Variants in CCAR2 observed in about 807,000 individuals in gnomAD.
CCAR2 encodes the protein cell cycle and apoptosis regulator 2, also known as cell cycle and apoptosis regulator protein 2.
In CCAR2, 21 loss-of-function variants were observed where a neutral mutation model predicts 108.1. The ratio of observed to expected loss-of-function variants is 0.19; its 90% CI spans 0.14 to 0.28. The LOEUF (loss-of-function observed/expected upper bound fraction) is 0.28. Ranked by LOEUF, CCAR2 falls within the 10% of genes least tolerant of loss-of-function variation. The pLI is 1.00. For missense variants in CCAR2, 1,126 were observed against 1,177.0 expected, an observed-to-expected ratio of 0.96 and a Z score of 0.63; for synonymous variants, 577 against 472.8, an observed-to-expected ratio of 1.22 and a Z score of -2.86.
intron 8 of CCAR2, chr8:22,613,853 G>A (rs1276180656): frequency 3.9e-6 from 2 of 518,504 alleles, no homozygotes; most frequent in Non-Finnish European, 6.8e-6. Context: ...TTAAGGCAAT[G>A]ACCCATTTCT....
intron 2 of CCAR2, 50 bp downstream of exon 2, chr8:22,605,881 G>C: frequency 6.3e-7 from 1 of 1,579,204 alleles, no homozygotes; most frequent in Non-Finnish European, 8.7e-7. Flanking sequence ...TATGTGCTCT[G>C]GAGTTAGTTT....
At chr8:22,616,308 C>G in intron 14 of CCAR2, 60 bp downstream of exon 14, 3 of 1,520,936 alleles carry the variant, frequency 2.0e-6, no homozygotes, top group Non-Finnish European at 1.8e-6. Flanking sequence ...ACCTTTACCC[C>G]GGGCTCTGTT....
At position 22,617,353 on chromosome 8, in the gene CCAR2, C is replaced by A. The variant is rs141867351; in HGVS notation, c.1846-67C>A. On this transcript the variant is annotated intron_variant, in intron 14 of 20. Transcript: ENST00000308511. The stretch of plus-strand genomic sequence containing the variant: ...GCATAGTTGATACTCAGGTGTCAGC[C>A]ATGCTTACTATTGGTAATTATGGTA... The A allele has an allele frequency of 9.1e-5, 136 of 1,502,202 alleles. No individual in the cohort carries two copies. The East Asian group carries it at 2.6e-3, about 28-fold the overall frequency. The allele number at this position is 1,502,202 out of a possible 1,614,324, so 93.1% of individuals were successfully genotyped here.
chr8:22,614,566 G>T, intron 10 of CCAR2, 63 bp downstream of exon 10: 1 of 1,447,814 alleles, frequency 6.9e-7, no homozygotes, highest in South Asian at 1.1e-5. Context: ...GTCATGTTTT[G>T]AGTGTTCGGC....
chr8:22,615,195 T>A (rs7842039), intron 11 of CCAR2, 194 bp downstream of exon 11: 49,858 of 879,312 alleles, frequency 0.057, 4,242 homozygotes, highest in African/African-American at 0.34. Context: ...CACTTGAGAC[T>A]CCCTGGAGTT....
chr8:22,609,913 C>G (rs560437643), intron 7 of CCAR2, among the ~76,000 whole-genome samples: 1 of 152,186 alleles, frequency 6.6e-6, no homozygotes, highest in Non-Finnish European at 1.5e-5. Flanking sequence ...CATCCTAAAT[C>G]CTTAAACCCA....
rs1183690937 is a variant in CCAR2, at chr8:22,619,019, AGGGCCTG to A, written c.2521+9_2521+15del. 6.2e-7 allele frequency: 1 copy of A among 1,612,464 alleles called. No homozygotes were observed. Among genetic ancestry groups the A allele is most frequent in the Non-Finnish European group, 8.5e-7 (1 of 1,179,532 alleles). Reference sequence around the variant, plus strand: ...CACACACTGGAGCTGAAGCTGGGTGAGGGCCTGGGGCTGCAGCCACCATGGGGTCACA... The same window carrying A: ...CACACACTGGAGCTGAAGCTGGGTGAGGGCTGCAGCCACCATGGGGTCACA... On this transcript the variant is annotated splice_donor_5th_base_variant and intron_variant, in intron 19 of 20. Transcript: ENST00000308511.
In CCAR2 at chr8:22,614,311, G is replaced by A. The variant is rs3736147; in HGVS notation, c.924G>A (p.Ser308=). The change falls in exon 9 of 21, where the codon TCG becomes TCA. Residue 308 remains serine, a synonymous_variant. Coordinates refer to ENST00000308511, the MANE Select transcript of CCAR2 (RefSeq NM_001393997.1). ...CAGACAGTGACCCCGCTTATAGTTCGAAGGTAAGCTGACAGGCGTCTCTCA... is the reference window on the plus strand; with the variant it reads ...CAGACAGTGACCCCGCTTATAGTTCAAAGGTAAGCTGACAGGCGTCTCTCA... ...ITADSDPAYS[S]KVLLLSSPGL... is the part of the protein sequence containing the mutation. The A allele has an allele frequency of 0.31, 502,186 of 1,613,598 alleles. 80,052 individuals are homozygous for A. Among genetic ancestry groups the A allele is most frequent in the South Asian group, 0.36 (32,766 of 91,072 alleles).
At chr8:22,616,942 C>G (rs184061163) in intron 14 of CCAR2, among the ~76,000 whole-genome samples, 1 of 80,422 alleles carries the variant, frequency 1.2e-5, no homozygotes, top group East Asian at 3.7e-4. Flanking sequence ...AGTGCAGTGG[C>G]GCAACCTCGG....
rs1289126944 is a variant in CCAR2 at position 22,618,967 on chromosome 8, G to A, written c.2473G>A (p.Gly825Ser). ...GCAGCGCGCGGAGCAGCAGGACAGCGGCCGGCTCTACCTAGAGAACAAGAT... is the reference window on the plus strand; with the variant it reads ...GCAGCGCGCGGAGCAGCAGGACAGCAGCCGGCTCTACCTAGAGAACAAGAT... The part of the protein sequence containing the change: ...LLQRAEQQDS[G>S]RLYLENKIHT... The change falls in exon 19 of 21, where the codon GGC (glycine) becomes AGC (serine). Residue 825 changes from glycine to serine, a missense_variant. Physicochemically the swap from Gly to Ser is moderately conservative, Grantham distance 56. Coordinates refer to ENST00000308511, the MANE Select transcript of CCAR2 (RefSeq NM_001393997.1). The A allele has an allele frequency of 9.9e-6, 16 of 1,613,222 alleles. No individual in the cohort carries two copies. The highest frequency in any genetic ancestry group is 2.7e-5 in the African/African-American group (2 of 74,840).
rs201862431 is a variant in CCAR2 at position 22,619,719 on chromosome 8, G to A, written c.*37G>A. 1.0e-3 allele frequency: 1,572 copies of A among 1,550,650 alleles called. 1 individual carries two copies. The highest frequency in any genetic ancestry group is 1.3e-3 in the Non-Finnish European group (1,454 of 1,147,088). On this transcript the variant is annotated 3_prime_UTR_variant, in exon 21 of 21. Coordinates refer to ENST00000308511, the MANE Select transcript of CCAR2 (RefSeq NM_001393997.1). The stretch of plus-strand genomic sequence containing the variant: ...GGAACTGCCATCCTGTGAGGGCAGC[G>A]GTGGCGCCCGGCAAAGTTGGAGCCC...
chr8:22,614,464 G>A lies in CCAR2; in HGVS notation c.1002G>A (p.Glu334=), dbSNP rs200615782. 48 of 1,614,074 alleles carry A rather than the reference G, an allele frequency of 3.0e-5. No homozygotes were observed. The highest frequency in any genetic ancestry group is 4.1e-5 in the Non-Finnish European group (48 of 1,180,052). The part of the protein sequence containing the change: ...CCMLFVDDMA[E]PRETPEHPLK... ...TGCTCTTTGTGGATGACATGGCTGAGCCAAGGGAGACGCCAGAGCATCCTC... is the reference window on the plus strand; with the variant it reads ...TGCTCTTTGTGGATGACATGGCTGAACCAAGGGAGACGCCAGAGCATCCTC... Residue 334 remains glutamate, a synonymous_variant, in exon 10 of 21, where the codon GAG becomes GAA. Coordinates refer to ENST00000308511, the MANE Select transcript of CCAR2 (RefSeq NM_001393997.1).
chr8:22,605,857 CT>C, intron 2 of CCAR2, 26 bp downstream of exon 2: 3 of 1,608,838 alleles, frequency 1.9e-6, no homozygotes, highest in Non-Finnish European at 2.5e-6. Context: ...CCTACCTGGC[CT>C]CATCCTGGGA....
In CCAR2 at chr8:22,619,311, C is replaced by T. The variant is rs556131395; in HGVS notation, c.2683C>T (p.Arg895Cys). The T allele has an allele frequency of 7.0e-6, 11 of 1,564,214 alleles. No individual in the cohort carries two copies. Among genetic ancestry groups the T allele is most frequent in the African/African-American group, 1.4e-5 (1 of 73,898 alleles). Residue 895 changes from arginine (R) to cysteine (C), a missense_variant, in exon 20 of 21, where the codon CGT becomes TGT. Arg to Cys is a radical substitution (Grantham distance 180). This residue lies in a region of CCAR2 where 1,013 missense variants were observed against 993.9 expected (regional missense o/e 1.02). Coordinates refer to ENST00000308511, the MANE Select transcript of CCAR2 (RefSeq NM_001393997.1). ...GCGGCTGCTGCAGGAGCTCCGCAGG[C>T]GTCTGACCCCCCTGCAGCTGGAGAT... Reference protein sequence around the residue: ...LQRLLQELRRRLTPLQLEIQR... With the variant: ...LQRLLQELRRCLTPLQLEIQR...
intron 14 of CCAR2, 115 bp downstream of exon 14, chr8:22,616,363 G>T (rs6558168): frequency 6.6e-5 from 63 of 961,290 alleles, no homozygotes; most frequent in Admixed American, 6.0e-5. Flanking sequence ...ACCCTTGCTC[G>T]GCATGGACTG....
rs1333360415 is a variant in CCAR2, at chr8:22,606,696, A to G, written c.240A>G (p.Leu80=). The G allele has an allele frequency of 1.2e-6, 2 of 1,613,488 alleles. No individual in the cohort carries two copies. Among genetic ancestry groups the G allele is most frequent in the African/African-American group, 1.3e-5 (1 of 74,902 alleles). The change falls in exon 4 of 21, where the codon CTA becomes CTG. Residue 80 remains leucine (L), a splice_region_variant and synonymous_variant. Coordinates refer to ENST00000308511, the MANE Select transcript of CCAR2 (RefSeq NM_001393997.1). ...TGGATGAAGAGGTCTTTTTTCAGCT[A>G]AGGTAGGCTTGAGGTTGGTCCCCTA... The part of the protein sequence containing the change: ...GVVDEEVFFQ[L]SVVKGRLPQL...
Position 22,616,192 on chromosome 8 carries a change from G to C in CCAR2, c.1789G>C (p.Glu597Gln). 1 of 1,613,798 alleles carries C rather than the reference G, an allele frequency of 6.2e-7. No individual in the cohort carries two copies. Among genetic ancestry groups the C allele is most frequent in the South Asian group, 1.1e-5 (1 of 91,082 alleles). The change falls in exon 14 of 21, where the codon GAG (glutamate) becomes CAG (glutamine). Residue 597 changes from glutamate to glutamine, a missense_variant. By Grantham distance (29) the Glu-to-Gln change is conservative (BLOSUM62 2). Around this residue, in one of 4 missense-constraint regions of CCAR2, gnomAD observed 1,013 missense variants for 993.9 expected, o/e 1.02. Transcript: ENST00000308511. ...EEAIKEEVVK[E>Q]PKDEAQNEGP... ...AGCCATCAAAGAGGAGGTGGTCAAG[G>C]AGCCCAAGGATGAGGCACAGAATGA...
At chr8:22,615,133 G>A in intron 11 of CCAR2, 132 bp downstream of exon 11, 1 of 1,258,850 alleles carries the variant, frequency 7.9e-7, no homozygotes, top group Non-Finnish European at 1.1e-6. Context: ...CCCCTCTGGT[G>A]CCTCAGGGTA....
At chr8:22,613,387 CAG>C (rs1447527340) in intron 8 of CCAR2, among the ~76,000 whole-genome samples, 1 of 139,320 alleles carries the variant, frequency 7.2e-6, no homozygotes, top group African/African-American at 2.7e-5. Context: ...AGCAACTACA[CAG>C]TATTCATTGA....
Sources: gnomAD v4.1 joint callset for allele counts (sites outside exome capture counted in the v4.1 genomes callset) on GRCh38, gnomAD v4.1.1 for gene constraint, gnomAD v4.1.1 regional missense constraint, MANE v1.5 for transcripts, NCBI Gene and HGNC (gene_info 2026-07-23, HGNC 2026-07-21) for gene names.